FERMT2: variants seen among roughly 807,000 people sequenced by gnomAD.
FERMT2 encodes FERM domain containing kindlin 2, also known as fermitin family homolog 2.
In FERMT2, 15 loss-of-function variants were observed where a neutral mutation model predicts 82.7. The observed-to-expected ratio is 0.18, with a 90% CI of 0.12 to 0.28. The LOEUF is 0.28. Among genes scored for constraint, FERMT2 ranks in the 10% least tolerant of loss-of-function variants. The pLI is 1.00. For missense variants in FERMT2, 645 were observed against 809.4 expected, an observed-to-expected ratio of 0.80 and a Z score of 2.46; for synonymous variants, 274 against 271.5, an observed-to-expected ratio of 1.01 and a Z score of -0.09.
chr14:52,942,955 G>A (rs1890162475), intron 2 of FERMT2, among the ~76,000 whole-genome samples: 1 of 152,166 alleles, frequency 6.6e-6, no homozygotes, highest in African/African-American at 2.4e-5. Flanking sequence ...GCTGATGCCT[G>A]TAATCCCAGC....
chr14:52,950,374 G>A, intron 2 of FERMT2, 38 bp downstream of exon 2: 2 of 1,598,188 alleles, frequency 1.3e-6, no homozygotes, highest in South Asian at 1.1e-5. Flanking sequence ...ACCAATTCTG[G>A]GAAGTCATTA....
chr14:52,912,427 C>G (rs534493918), intron 3 of FERMT2, among the ~76,000 whole-genome samples: 16 of 152,078 alleles, frequency 1.1e-4, no homozygotes, highest in Admixed American at 4.6e-4. Context: ...AGACCCTTAA[C>G]AGCTGTTAAG....
At chr14:52,878,775 A>T (rs980477912) in intron 6 of FERMT2, 86 bp from the exon 7 acceptor site, 1 of 632,888 alleles carries the variant, frequency 1.6e-6, no homozygotes, top group Non-Finnish European at 2.6e-6. Flanking sequence ...TGACAAGAAA[A>T]ATTTAATGCT....
At chr14:52,874,873 C>T (rs930311212) in intron 8 of FERMT2, among the ~76,000 whole-genome samples, 2 of 152,088 alleles carry the variant, frequency 1.3e-5, no homozygotes, top group Non-Finnish European at 2.9e-5. Flanking sequence ...CTAGACAACA[C>T]AGTGAGACCC....
At chr14:52,924,876 G>T (rs947076541) in intron 2 of FERMT2, among the ~76,000 whole-genome samples, 1 of 152,156 alleles carries the variant, frequency 6.6e-6, no homozygotes, top group East Asian at 1.9e-4. Flanking sequence ...TGGCTGAAAT[G>T]ATTTCGTATT....
At chr14:52,890,761 G>A (rs988448608) in intron 4 of FERMT2, among the ~76,000 whole-genome samples, 2 of 151,668 alleles carry the variant, frequency 1.3e-5, no homozygotes, top group East Asian at 2.0e-4. Context: ...CCACCACCAC[G>A]CCTGGCTAAT....
At chr14:52,875,894 T>C (rs1181440776) in intron 7 of FERMT2, among the ~76,000 whole-genome samples, 2 of 152,194 alleles carry the variant, frequency 1.3e-5, no homozygotes, top group African/African-American at 4.8e-5. Context: ...AGAATGTTTG[T>C]ACGTGAGTAC....
rs114944930 is a variant in FERMT2 at position 52,941,902 on chromosome 14, G to A, written c.157+8510C>T. On this transcript the variant is annotated intron_variant, in intron 2 of 14. Coordinates refer to ENST00000341590, the MANE Select transcript of FERMT2 (RefSeq NM_006832.3). ...ACCATCATCCACTTATTGGTCCCCT[G>A]CATTTCAGAAATCTTATTAAAATGG... is the stretch of plus-strand genomic sequence containing the variant. 1.4e-3 allele frequency among the ~76,000 whole-genome samples: 207 copies of A among 152,198 alleles called. 1 individual carries two copies. Among genetic ancestry groups the A allele is most frequent in the African/African-American group, 4.9e-3 (203 of 41,528 alleles).
intron 7 of FERMT2, among the ~76,000 whole-genome samples, chr14:52,876,978 T>C (rs1450490956): frequency 6.6e-6 from 1 of 152,158 alleles, no homozygotes; most frequent in Non-Finnish European, 1.5e-5. Flanking sequence ...ACCATTCCAT[T>C]TCCATGAATT....
chr14:52,866,125 T>A (rs1416936328), intron 10 of FERMT2, among the ~76,000 whole-genome samples: 2 of 152,078 alleles, frequency 1.3e-5, no homozygotes, highest in Non-Finnish European at 2.9e-5. Context: ...AGGCCTCTTT[T>A]AAAAAAACAA....
chr14:52,916,962 C>T (rs1251946855), intron 3 of FERMT2, among the ~76,000 whole-genome samples: 1 of 152,120 alleles, frequency 6.6e-6, no homozygotes, highest in African/African-American at 2.4e-5. Flanking sequence ...TAAACTAAAA[C>T]AAAATACTGT....
chr14:52,950,834 G>A, intron 1 of FERMT2, 87 bp downstream of exon 1: 1 of 316,982 alleles, frequency 3.2e-6, no homozygotes, highest in Non-Finnish European at 5.7e-6. Context: ...TCACCTGCCG[G>A]CCGGCCCCGA....
At chr14:52,871,120 T>C (rs1885596590) in intron 10 of FERMT2, among the ~76,000 whole-genome samples, 1 of 152,200 alleles carries the variant, frequency 6.6e-6, no homozygotes, top group South Asian at 2.1e-4. Context: ...CTGCAGGTGT[T>C]AGCTCCAGCG....
At chr14:52,929,426 C>T (rs897686138) in intron 2 of FERMT2, among the ~76,000 whole-genome samples, 2 of 152,166 alleles carry the variant, frequency 1.3e-5, no homozygotes, top group Admixed American at 6.6e-5. Flanking sequence ...ATGCCATTCC[C>T]CTGCTGAAAA....
chr14:52,877,562 T>G (rs1886037084), intron 7 of FERMT2, among the ~76,000 whole-genome samples: 1 of 144,186 alleles, frequency 6.9e-6, no homozygotes, highest in Non-Finnish European at 1.5e-5. Context: ...AGGTGAAAAT[T>G]AGCTGTTCTT....
intron 4 of FERMT2, among the ~76,000 whole-genome samples, chr14:52,888,684 G>T (rs544947885): frequency 8.5e-5 from 13 of 152,136 alleles, no homozygotes; most frequent in African/African-American, 2.9e-4. Flanking sequence ...ATGCATACCG[G>T]TCTTCACCTA....
At chr14:52,950,363 T>C (rs771476673) in intron 2 of FERMT2, 49 bp downstream of exon 2, 1 of 1,570,700 alleles carries the variant, frequency 6.4e-7, no homozygotes, top group East Asian at 2.4e-5. Context: ...TTCCTCCCCC[T>C]ACCAATTCTG....
intron 4 of FERMT2, among the ~76,000 whole-genome samples, chr14:52,891,023 C>T (rs964064813): frequency 2.0e-5 from 3 of 152,170 alleles, no homozygotes; most frequent in African/African-American, 7.2e-5. Flanking sequence ...ACTCTTTCTA[C>T]AATAATGATT....
rs139091837 is a variant in FERMT2, at chr14:52,896,029, T to C, written c.392-2602A>G. On this transcript the variant is annotated intron_variant, in intron 3 of 14. Coordinates refer to ENST00000341590, the MANE Select transcript of FERMT2 (RefSeq NM_006832.3). The stretch of plus-strand genomic sequence containing the variant: ...TTGGCCTCCCAAAGTGATGGGATTA[T>C]AGGCGTGAGCCACTGCACTTATTTT... Among the ~76,000 whole-genome samples the C allele has an allele frequency of 1.7e-3, 259 of 152,268 alleles. 2 individuals carry two copies. Among genetic ancestry groups the C allele is most frequent in the African/African-American group, 6.0e-3 (248 of 41,550 alleles).
Sources: gnomAD v4.1 joint callset for allele counts (sites outside exome capture counted in the v4.1 genomes callset) on GRCh38, gnomAD v4.1.1 for gene constraint, MANE v1.5 for transcripts, NCBI Gene and HGNC (gene_info 2026-07-23, HGNC 2026-07-21) for gene names.